Variants in CFAP65 observed in about 807,000 individuals in gnomAD.
CFAP65 encodes cilia and flagella associated protein 65.
CFAP65 carries 155 observed loss-of-function variants against 208.0 expected under a neutral mutation model. The observed-to-expected ratio is 0.75, with a 90% CI of 0.65 to 0.85. CFAP65 has a LOEUF of 0.85. CFAP65 is among the 40% of genes least tolerant of loss of function. The pLI is 0.00. For synonymous variants in CFAP65, 970 were observed against 986.3 expected, an observed-to-expected ratio of 0.98 and a Z score of 0.31; for missense variants, 2,294 against 2,451.3, an observed-to-expected ratio of 0.94 and a Z score of 1.36.
chr2:219,040,611 T>A, intron 1 of CFAP65, 47 bp from the exon 2 acceptor site: 2 of 1,552,194 alleles, frequency 1.3e-6, no homozygotes, highest in Non-Finnish European at 1.7e-6. Flanking sequence ...CACGGGATGG[T>A]CTTGCAGCCC....
At chr2:219,005,963 G>A (rs1945940950) in intron 31 of CFAP65, 58 bp downstream of exon 31, 1 of 1,543,816 alleles carries the variant, frequency 6.5e-7, no homozygotes, top group Non-Finnish European at 8.9e-7. Context: ...CCCTGCTCTG[G>A]AGTGGAAGAG....
Position 219,032,428 on chromosome 2 carries a change from C to G in CFAP65, c.645+42G>C. 6.6e-7 allele frequency: 1 copy of G among 1,521,088 alleles called. No individual in the cohort carries two copies. Among genetic ancestry groups the G allele is most frequent in the Non-Finnish European group, 8.9e-7 (1 of 1,121,520 alleles). The allele number at this position is 1,521,088 out of a possible 1,614,324, so 94.2% of individuals were successfully genotyped here. A position where few individuals can be genotyped will look rare whatever the true frequency, so the allele number is the denominator to read the frequency against. On this transcript the variant is annotated intron_variant, in intron 6 of 34. Coordinates refer to ENST00000341552, the MANE Select transcript of CFAP65 (RefSeq NM_194302.4). This position sits in a 1 kb window ranked among gnomAD's most constrained non-coding sequence, Gnocchi z 5.5. ...TGTTTTCTGTTCTGAGGTCACTGCT[C>G]CCAGGTACCTCCCTGCCCTCACTCG...
intron 21 of CFAP65, among the ~76,000 whole-genome samples, chr2:219,017,623 C>T (rs1370254658): frequency 6.6e-6 from 1 of 152,258 alleles, no homozygotes; most frequent in Non-Finnish European, 1.5e-5. Flanking sequence ...ATGGATGGGC[C>T]CGGCTGGCCG....
In CFAP65 at chr2:219,026,025, G is replaced by A. The variant is rs559786811; in HGVS notation, c.2346C>T (p.Pro782=). ...CTGCTGTTGGGGCCACGCTTACCTT[G>A]GGGACATCTAGGGAATACTGGGGGA... ...HHIPQYSLDV[P]KLFPAVSSGE... Residue 782 remains proline, a synonymous_variant, in exon 14 of 35, where the codon CCC becomes CCT. Transcript: ENST00000341552. 5.6e-6 allele frequency: 9 copies of A among 1,613,792 alleles called. No homozygotes were observed. The South Asian group carries it at 8.8e-5, about 16-fold the overall frequency.
intron 2 of CFAP65, among the ~76,000 whole-genome samples, chr2:219,039,697 G>A (rs1041576176): frequency 1.2e-4 from 19 of 152,160 alleles, no homozygotes; most frequent in African/African-American, 3.9e-4. Context: ...CATTGAATAT[G>A]TAATCGATAT....
chr2:219,005,445 G>C lies in CFAP65; in HGVS notation c.5040C>G (p.Thr1680=), dbSNP rs1469773829. Residue 1680 remains threonine (T), a synonymous_variant, in exon 32 of 35, where the codon ACC becomes ACG. Transcript: ENST00000341552. ...QKKQLLVDIL[T]TIIRGLLEDK... ...GTGTGAGCTGGTACCTGATTATTGT[G>C]GTGAGAATGTCAACCAGGAGCTGCT... 6.2e-7 allele frequency: 1 copy of C among 1,613,794 alleles called. No homozygotes were observed. The highest frequency in any genetic ancestry group is 1.7e-4 in the Middle Eastern group (1 of 6,046).
chr2:219,004,961 C>CTT lies in CFAP65; in HGVS notation c.5051+472_5051+473insAA, dbSNP rs1945852564. ...TTTCTTTCTTTCTTTCTTTCTTTCT[C>CTT]TCTCTTTCTTTCTTTCTCTCTTTCT... On this transcript the variant is annotated intron_variant, in intron 32 of 34. Coordinates refer to ENST00000341552, the MANE Select transcript of CFAP65 (RefSeq NM_194302.4). The surrounding 1 kb of genome is among the most constrained non-coding windows in gnomAD (Gnocchi z 4.7). 7.3e-6 allele frequency among the ~76,000 whole-genome samples: 1 copy of CTT among 136,528 alleles called. No homozygotes were observed. The highest frequency in any genetic ancestry group is 3.1e-5 in the African/African-American group (1 of 31,780). The allele number at this position is 136,528 out of a possible 152,430, so 89.6% of individuals were successfully genotyped here.
chr2:219,034,611 G>A (rs893317402), intron 5 of CFAP65: 1 of 152,142 alleles, frequency 6.6e-6, no homozygotes, highest in African/African-American at 2.4e-5. Flanking sequence ...CATAAGATGA[G>A]AGAAGATATC....
chr2:219,023,352 C>A lies in CFAP65; in HGVS notation c.2675G>T (p.Trp892Leu), dbSNP rs1457312523. The A allele has an allele frequency of 5.6e-6, 9 of 1,609,360 alleles. No individual in the cohort carries two copies. The highest frequency in any genetic ancestry group is 1.6e-4 in the Middle Eastern group (1 of 6,066). Residue 892 changes from tryptophan (W) to leucine (L), a missense_variant, in exon 16 of 35, where the codon TGG (tryptophan) becomes TTG (leucine). Physicochemically the swap from Trp to Leu is moderately conservative, Grantham distance 61. Transcript: ENST00000341552. ...GGGGCTGGTGGAGGAGCAGCCCACC[C>A]AGGTGGGCTTGAAGTAGAGGCTTTT... ...THKSLYFKPT[W>L]VGCSSTSPFT...
In CFAP65 at chr2:219,005,478, C is replaced by T. The variant is rs1439446129; in HGVS notation, c.5007G>A (p.Lys1669=). 6.2e-7 allele frequency: 1 copy of T among 1,613,768 alleles called. No individual in the cohort carries two copies. The highest frequency in any genetic ancestry group is 1.7e-5 in the Admixed American group (1 of 59,994). The change falls in exon 32 of 35, where the codon AAG becomes AAA. Residue 1669 remains lysine, a synonymous_variant. Coordinates refer to ENST00000341552, the MANE Select transcript of CFAP65 (RefSeq NM_194302.4). ...KSPNKWGPVS[K]QKKQLLVDIL... ...TGTCAACCAGGAGCTGCTTCTTCTG[C>T]TTGGAAACAGGGCCCCACTTGTTAG...
At chr2:219,010,449 C>T (rs1037622007) in intron 26 of CFAP65, 97 bp downstream of exon 26, 3 of 1,324,118 alleles carry the variant, frequency 2.3e-6, no homozygotes, top group Admixed American at 2.6e-5. Flanking sequence ...AACTACATCT[C>T]ATGTCCCTCC....
chr2:219,004,221 CT>C lies in CFAP65; in HGVS notation c.5285del (p.Glu1762GlyfsTer34). 1 of 1,614,070 alleles carries C rather than the reference CT, an allele frequency of 6.2e-7. No individual in the cohort carries two copies. Among genetic ancestry groups the C allele is most frequent in the Non-Finnish European group, 8.5e-7 (1 of 1,180,026 alleles). On this transcript the variant is annotated frameshift_variant, in exon 33 of 35. Coordinates refer to ENST00000341552, the MANE Select transcript of CFAP65 (RefSeq NM_194302.4). LOFTEE classifies it high-confidence loss of function. This position sits in a 1 kb window ranked among gnomAD's most constrained non-coding sequence, Gnocchi z 4.7. ...EHYPGLGKKEEGEEEKGEEEE... is the reference protein window; with the variant it reads ...EHYPGLGKKEXGEEEKGEEEE... ...CCTCTTCACCCTTCTCCTCCTCCCC[CT>C]CTTCCTTCTTTCCCAACCCTGGATA... is the stretch of plus-strand genomic sequence containing the variant.
rs1197960388 is a variant in CFAP65, at chr2:219,026,037, G to A, written c.2334C>T (p.Ser778=). 2 of 1,614,094 alleles carry A rather than the reference G, an allele frequency of 1.2e-6. No individual in the cohort carries two copies. Among genetic ancestry groups the A allele is most frequent in the South Asian group, 2.2e-5 (2 of 91,074 alleles). ...AGFEHHIPQY[S]LDVPKLFPAV... Reference sequence around the variant, plus strand: ...CCACGCTTACCTTGGGGACATCTAGGGAATACTGGGGGATGTGGTGCTCAA... The same window carrying A: ...CCACGCTTACCTTGGGGACATCTAGAGAATACTGGGGGATGTGGTGCTCAA... Residue 778 remains serine, a synonymous_variant, in exon 14 of 35, where the codon TCC becomes TCT. Coordinates refer to ENST00000341552, the MANE Select transcript of CFAP65 (RefSeq NM_194302.4).
At chr2:219,026,883 C>T (rs770059576) in intron 13 of CFAP65, 11 of 986,664 alleles carry the variant, frequency 1.1e-5, no homozygotes, top group African/African-American at 5.2e-5. Context: ...AGCATTAGGA[C>T]GGGGGCAACC....
At position 219,022,040 on chromosome 2, in the gene CFAP65, T is replaced by G. The variant is rs1947297018; in HGVS notation, c.2980-110A>C. ...CCCAAGGAAGGGCAAGTTTGGGGTA[T>G]CCGGGGCAGAGGGCTCCTATCCTCT... is the stretch of plus-strand genomic sequence containing the variant. On this transcript the variant is annotated intron_variant, in intron 17 of 34. Coordinates refer to ENST00000341552, the MANE Select transcript of CFAP65 (RefSeq NM_194302.4). The G allele has an allele frequency of 8.4e-6, 13 of 1,540,604 alleles. No homozygotes were observed. The East Asian group carries it at 2.7e-4, about 32-fold the overall frequency.
In CFAP65 at chr2:219,003,971, CG is replaced by C. The variant is rs1559109871; in HGVS notation, c.5535del (p.Asp1845GlufsTer23). On this transcript the variant is annotated frameshift_variant, in exon 33 of 35. Transcript: ENST00000341552. LOFTEE classifies it high-confidence loss of function. This position sits in a 1 kb window ranked among gnomAD's most constrained non-coding sequence, Gnocchi z 4.4. ...NVMVKEEQEQDEKEAIRRLPA... is the reference protein window; with the variant it reads ...NVMVKEEQEQXEKEAIRRLPA... ...GCTCACCTTCTGATGGCCTCCTTCT[CG>C]TCCTGTTCTTGCTCCTCCTTCACCA... 5 of 1,612,942 alleles carry C rather than the reference CG, an allele frequency of 3.1e-6. No individual in the cohort carries two copies. Among genetic ancestry groups the C allele is most frequent in the African/African-American group, 2.7e-5 (2 of 74,912 alleles).
chr2:219,039,823 G>A (rs1219769717), intron 2 of CFAP65, among the ~76,000 whole-genome samples: 1 of 152,086 alleles, frequency 6.6e-6, no homozygotes, highest in Admixed American at 6.5e-5. Flanking sequence ...GTGCTGAATA[G>A]CTACATATGG....
Position 219,004,143 on chromosome 2 carries a change from C to T in CFAP65, c.5364G>A (p.Glu1788=). 1 of 1,613,924 alleles carries T rather than the reference C, an allele frequency of 6.2e-7. No homozygotes were observed. The highest frequency in any genetic ancestry group is 8.5e-7 in the Non-Finnish European group (1 of 1,180,010). Residue 1788 remains glutamate (E), a synonymous_variant, in exon 33 of 35, where the codon GAG becomes GAA. Transcript: ENST00000341552. The surrounding 1 kb of genome is among the most constrained non-coding windows in gnomAD (Gnocchi z 4.7). ...CCTCTATCTCCTCCTTGCCCAACTCCTCCTCTTCTGTCTCCTCTTCTTCCT... is the reference window on the plus strand; with the variant it reads ...CCTCTATCTCCTCCTTGCCCAACTCTTCCTCTTCTGTCTCCTCTTCTTCCT... ...EEEEEEETEE[E]ELGKEEIEEK...
Position 219,010,000 on chromosome 2 carries a change from ATGT to A in CFAP65, c.4391_4393del (p.Asn1464del), listed in dbSNP as rs1946358699. The A allele has an allele frequency of 1.2e-6, 2 of 1,612,706 alleles. No homozygotes were observed. The highest frequency in any genetic ancestry group is 1.7e-6 in the Non-Finnish European group (2 of 1,179,602). On this transcript the variant is annotated inframe_deletion, in exon 27 of 35. Transcript: ENST00000341552. ...GAAGGCAATTTCCTCGTTCTTGGAG[ATGT>A]TGTTGAGGAAGAGCAGGCGGCTGCA...
Sources: allele counts gnomAD v4.1 joint callset (sites outside exome capture counted in the v4.1 genomes callset), GRCh38; gene constraint gnomAD v4.1.1; non-coding constraint Gnocchi (gnomAD v3.1); transcripts MANE v1.5; gene names NCBI Gene and HGNC (gene_info 2026-07-23, HGNC 2026-07-21).